The following KCNH1 variants were observed in gnomAD, a reference collection of about 807,000 sequenced individuals.
The protein encoded by KCNH1 is potassium voltage-gated channel subfamily H member 1.
Under a neutral mutation model 69.2 loss-of-function variants are expected in KCNH1, and 27 were observed. The observed-to-expected ratio is 0.39, with a 90% CI of 0.29 to 0.54. The LOEUF (loss-of-function observed/expected upper bound fraction) is 0.54. Among genes scored for constraint, KCNH1 ranks in the 20% least tolerant of loss-of-function variants. The pLI, the probability that KCNH1 is intolerant of heterozygous loss-of-function variation, is 0.68. For synonymous variants in KCNH1, 456 were observed against 487.7 expected (o/e 0.93, Z 0.86); for missense variants, 798 against 1,261.6 (o/e 0.63, Z 5.57).
At chr1:211,114,930 T>G (rs1483795959) in intron 1 of KCNH1, among the ~76,000 whole-genome samples, 1 of 152,236 alleles carries the variant, frequency 6.6e-6, no homozygotes, top group Non-Finnish European at 1.5e-5. Context: ...AATTCTTTTT[T>G]TGGGGGGTGT....
intron 10 of KCNH1, among the ~76,000 whole-genome samples, chr1:210,700,525 T>C (rs1356643530): frequency 6.6e-6 from 1 of 152,176 alleles, no homozygotes; most frequent in African/African-American, 2.4e-5. Flanking sequence ...CCCTGTATTC[T>C]CTTTGTCTTT....
intron 7 of KCNH1, among the ~76,000 whole-genome samples, chr1:210,882,072 A>C (rs1686505836): frequency 6.6e-6 from 1 of 152,232 alleles, no homozygotes; most frequent in East Asian, 1.9e-4. Flanking sequence ...CAATTTTAAC[A>C]AATATATCAC....
chr1:210,929,109 A>G (rs953110730), intron 6 of KCNH1, among the ~76,000 whole-genome samples: 4 of 152,176 alleles, frequency 2.6e-5, no homozygotes, highest in Non-Finnish European at 5.9e-5. Context: ...TCAGAGAAGA[A>G]TTGGTATCAA....
intron 2 of KCNH1, among the ~76,000 whole-genome samples, chr1:211,106,630 CAAAAA>C (rs370857373): frequency 7.3e-6 from 1 of 137,690 alleles, no homozygotes; most frequent in Admixed American, 7.3e-5. Context: ...ACTAAAAATA[CAAAAA>C]AAAAAAAAAA....
Position 210,810,028 on chromosome 1 carries a change from T to A in KCNH1, c.1463-5862A>T, listed in dbSNP as rs141788232. On this transcript the variant is annotated intron_variant, in intron 7 of 10. Coordinates refer to ENST00000271751, the MANE Select transcript of KCNH1 (RefSeq NM_172362.3). ...CTTCACTTATTTAGGTTAGAGCCCC[T>A]TATTCCTGCATCTCCTGTCTTCCTC... 8.4e-4 allele frequency among the ~76,000 whole-genome samples: 128 copies of A among 152,304 alleles called. 1 individual carries two copies. Among genetic ancestry groups the A allele is most frequent in the African/African-American group, 3.0e-3 (123 of 41,586 alleles).
chr1:210,948,750 G>A (rs11804818), intron 6 of KCNH1, among the ~76,000 whole-genome samples: 1,925 of 151,446 alleles, frequency 0.013, 46 homozygotes, highest in African/African-American at 0.044. Flanking sequence ...GGAGAATGGC[G>A]TGAACCCAGG....
intron 7 of KCNH1, among the ~76,000 whole-genome samples, chr1:210,915,870 T>G (rs1402994008): frequency 6.6e-6 from 1 of 152,198 alleles, no homozygotes; most frequent in Non-Finnish European, 1.5e-5. Flanking sequence ...GCTAATATAC[T>G]GCAACAGGAT....
intron 10 of KCNH1, among the ~76,000 whole-genome samples, chr1:210,687,629 C>G (rs550188602): frequency 1.3e-5 from 2 of 152,350 alleles, no homozygotes; most frequent in South Asian, 4.1e-4. Flanking sequence ...GGAGTTTTTA[C>G]AGAGCTGATG....
chr1:210,882,678 G>A (rs926137651), intron 7 of KCNH1, among the ~76,000 whole-genome samples: 1 of 152,152 alleles, frequency 6.6e-6, no homozygotes, highest in African/African-American at 2.4e-5. Flanking sequence ...GCAGCCAGGA[G>A]GAGGAAGAAA....
chr1:210,868,820 G>T (rs61848966), intron 7 of KCNH1, among the ~76,000 whole-genome samples: 24,955 of 151,906 alleles, frequency 0.16, 2,673 homozygotes, highest in Non-Finnish European at 0.25. Context: ...GAATCATAAA[G>T]TATATAACCT....
rs968636753 is a variant in KCNH1, at chr1:210,682,487, G to C, written c.*794C>G. 6.6e-6 allele frequency: 1 copy of C among 152,626 alleles called. No homozygotes were observed. Among genetic ancestry groups the C allele is most frequent in the African/African-American group, 2.4e-5 (1 of 41,464 alleles). 9.5% of individuals were successfully genotyped at this position (152,626 alleles called of 1,614,324 possible). ...GCCTGTGTGTGAGGCCAGCAGCATG[G>C]AGCAGGGCCAGAGGCTCAGCCAGGC... On this transcript the variant is annotated 3_prime_UTR_variant, in exon 11 of 11. Coordinates refer to ENST00000271751, the MANE Select transcript of KCNH1 (RefSeq NM_172362.3).
chr1:210,989,341 A>G (rs994250253), intron 6 of KCNH1, among the ~76,000 whole-genome samples: 2 of 152,250 alleles, frequency 1.3e-5, no homozygotes, highest in Non-Finnish European at 2.9e-5. Context: ...ATAGAAATAG[A>G]TATCAAAGCC....
In KCNH1 at chr1:210,869,211, T is replaced by C. The variant is rs144128635; in HGVS notation, c.1462+50429A>G. Among the ~76,000 whole-genome samples, 545 of 152,234 alleles carry C rather than the reference T, an allele frequency of 3.6e-3. 4 individuals carry two copies. The highest frequency in any genetic ancestry group is 0.013 in the African/African-American group (525 of 41,568). ...TTTTCTCTTTATCAATTTTGTTCAG[T>C]AATTTGATCATGAACTCCTTTGGTG... On this transcript the variant is annotated intron_variant, in intron 7 of 10. Transcript: ENST00000271751.
chr1:211,044,386 G>A lies in KCNH1; in HGVS notation c.559-25130C>T, dbSNP rs191757010. On this transcript the variant is annotated intron_variant, in intron 5 of 10. Transcript: ENST00000271751. ...CATGACCAAGAACCAAAAAGCAAAC[G>A]CAATAAAAACAAAGATAAATAGCTG... 1.4e-4 allele frequency among the ~76,000 whole-genome samples: 22 copies of A among 152,208 alleles called. No individual in the cohort carries two copies. The South Asian group carries it at 1.9e-3, about 13-fold the overall frequency.
At position 210,684,155 on chromosome 1, in the gene KCNH1, A is replaced by AGAGAATGAC; in HGVS notation, c.2113-26_2113-18dup. On this transcript the variant is annotated splice_polypyrimidine_tract_variant and intron_variant, in intron 10 of 10. Transcript: ENST00000271751. ...GAACACAATCTGGAGAGAGAGAGAGAGAGAATGACATGGCGTGTTAGCCAC... is the reference window on the plus strand; with the variant it reads ...GAACACAATCTGGAGAGAGAGAGAGAGAGAATGACGAGAATGACATGGCGTGTTAGCCAC... 6.7e-7 allele frequency: 1 copy of AGAGAATGAC among 1,499,218 alleles called. No homozygotes were observed. The highest frequency in any genetic ancestry group is 8.9e-7 in the Non-Finnish European group (1 of 1,126,248). 92.9% of individuals were successfully genotyped at this position (1,499,218 alleles called of 1,614,324 possible). A position where few individuals can be genotyped will look rare whatever the true frequency, so the allele number is the denominator to read the frequency against.
intron 10 of KCNH1, among the ~76,000 whole-genome samples, chr1:210,765,955 C>T (rs1051124305): frequency 3.3e-5 from 5 of 151,804 alleles, no homozygotes; most frequent in East Asian, 1.9e-4. Context: ...CCCAGCTAGT[C>T]GGGAGGCTGA....
At chr1:210,704,626 A>G (rs1055893579) in intron 10 of KCNH1, among the ~76,000 whole-genome samples, 4 of 152,364 alleles carry the variant, frequency 2.6e-5, no homozygotes, top group South Asian at 2.1e-4. Flanking sequence ...CTTATTTTGT[A>G]TAAATGAGAT....
chr1:211,070,335 G>C (rs1035454103), intron 5 of KCNH1, among the ~76,000 whole-genome samples: 1 of 151,442 alleles, frequency 6.6e-6, no homozygotes, highest in South Asian at 2.1e-4. Flanking sequence ...GGAGAATGGC[G>C]TGAGCCCGGG....
chr1:210,800,417 T>C (rs1684404956), intron 8 of KCNH1, among the ~76,000 whole-genome samples: 1 of 152,208 alleles, frequency 6.6e-6, no homozygotes, highest in South Asian at 2.1e-4. Flanking sequence ...CCTTTAAATA[T>C]GTCATTTGCC....
Sources: gnomAD v4.1 joint callset for allele counts (sites outside exome capture counted in the v4.1 genomes callset) on GRCh38, gnomAD v4.1.1 for gene constraint, MANE v1.5 for transcripts, NCBI Gene and HGNC (gene_info 2026-07-23, HGNC 2026-07-21) for gene names.